Variants in SNX13 observed in about 807,000 individuals in gnomAD.
SNX13 encodes sorting nexin-13.
In SNX13, 45 loss-of-function variants were observed where a neutral mutation model predicts 133.6. The observed-to-expected ratio is 0.34, with a 90% CI of 0.27 to 0.43. The LOEUF (loss-of-function observed/expected upper bound fraction) is 0.43. SNX13 is among the 20% of genes least tolerant of loss of function. SNX13 has a pLI of 1.00. For synonymous variants in SNX13, 414 were observed against 373.9 expected (o/e 1.11, Z -1.24); for missense variants, 1,032 against 1,145.1 (o/e 0.90, Z 1.43).
intron 1 of SNX13, among the ~76,000 whole-genome samples, 194 bp downstream of exon 1, chr7:17,940,090 G>A (rs1357573524): frequency 6.6e-6 from 1 of 152,064 alleles, no homozygotes; most frequent in Non-Finnish European, 1.5e-5. Context: ...ACTGGCAGCC[G>A]GAGGTGGTGG....
chr7:17,876,682 A>G (rs1794766891), intron 5 of SNX13, among the ~76,000 whole-genome samples: 1 of 152,104 alleles, frequency 6.6e-6, no homozygotes, highest in Non-Finnish European at 1.5e-5. Flanking sequence ...AATACTCATG[A>G]AAAAGGTGAT....
At chr7:17,836,878 T>C (rs1423298540) in intron 13 of SNX13, among the ~76,000 whole-genome samples, 1 of 152,040 alleles carries the variant, frequency 6.6e-6, no homozygotes, top group African/African-American at 2.4e-5. Flanking sequence ...ACAGGTATTA[T>C]CTATATTTAA....
At chr7:17,875,610 AATG>A in intron 6 of SNX13, 29 bp from the exon 7 acceptor site, 1 of 1,609,184 alleles carries the variant, frequency 6.2e-7, no homozygotes, top group Non-Finnish European at 8.5e-7. Context: ...AGATATATAA[AATG>A]ATGAAAGGAA....
At chr7:17,926,232 T>C (rs1056562605) in intron 1 of SNX13, among the ~76,000 whole-genome samples, 1 of 151,574 alleles carries the variant, frequency 6.6e-6, no homozygotes, top group Non-Finnish European at 1.5e-5. Context: ...AGTGACAGTA[T>C]TTTTTTTCAG....
At chr7:17,851,428 G>A (rs145556552) in intron 9 of SNX13, among the ~76,000 whole-genome samples, 2 of 152,190 alleles carry the variant, frequency 1.3e-5, no homozygotes, top group African/African-American at 2.4e-5. Flanking sequence ...TAGAATAAAG[G>A]CAGAGCCAAA....
chr7:17,805,798 A>G (rs1785230797), intron 20 of SNX13, among the ~76,000 whole-genome samples: 1 of 152,198 alleles, frequency 6.6e-6, no homozygotes, highest in African/African-American at 2.4e-5. Flanking sequence ...GTAGCATCCC[A>G]GAAGTACTGA....
intron 1 of SNX13, among the ~76,000 whole-genome samples, chr7:17,906,925 C>T (rs1321030154): frequency 1.3e-5 from 2 of 152,148 alleles, no homozygotes; most frequent in East Asian, 3.8e-4. Context: ...TCAGCCCTAA[C>T]AAATCATCCT....
chr7:17,829,194 T>C (rs1788218309), intron 16 of SNX13, among the ~76,000 whole-genome samples: 1 of 151,520 alleles, frequency 6.6e-6, no homozygotes, highest in Admixed American at 6.6e-5. Context: ...ATTTAGCTAT[T>C]ACGAAAGGTC....
At position 17,842,467 on chromosome 7, in the gene SNX13, T is replaced by TA. The variant is rs1790011817; in HGVS notation, c.1166-2468dup. On this transcript the variant is annotated intron_variant, in intron 12 of 25. Coordinates refer to ENST00000428135, the MANE Select transcript of SNX13 (RefSeq NM_015132.5). ...TTGCAAAATGTGCTGAAGGGTAAATTAAACAAAAGGACACTAGATAGTAAC... is the reference window on the plus strand; with the variant it reads ...TTGCAAAATGTGCTGAAGGGTAAATTAAAACAAAAGGACACTAGATAGTAAC... Among the ~76,000 whole-genome samples the TA allele has an allele frequency of 9.9e-5, 15 of 152,128 alleles. No individual in the cohort carries two copies. In the South Asian group the frequency reaches 3.1e-3, roughly 32 times the overall value.
At chr7:17,930,620 A>G (rs891118584) in intron 1 of SNX13, among the ~76,000 whole-genome samples, 11 of 152,120 alleles carry the variant, frequency 7.2e-5, no homozygotes, top group African/African-American at 2.7e-4. Context: ...GTTTTTCTAA[A>G]CCTTTATGCA....
At chr7:17,801,063 C>CATATATATAT (rs1784595393) in intron 22 of SNX13, among the ~76,000 whole-genome samples, 1 of 57,186 alleles carries the variant, frequency 1.7e-5, no homozygotes, top group Non-Finnish European at 3.9e-5. Flanking sequence ...TATATATATC[C>CATATATATAT]TGATACAGCA....
Position 17,826,036 on chromosome 7 carries a change from T to A in SNX13, c.1691A>T (p.Tyr564Phe), listed in dbSNP as rs200717124. Reference sequence around the variant, plus strand: ...AACTCTCTTACCTGTGTCTGAAATGTAGGCATGAAGTTGTACTGAGTCATC... The same window carrying A: ...AACTCTCTTACCTGTGTCTGAAATGAAGGCATGAAGTTGTACTGAGTCATC... The part of the protein sequence containing the change: ...SSDDSVQLHA[Y>F]ISDTGVCNDH... The change falls in exon 17 of 26, where the codon TAC (tyrosine) becomes TTC (phenylalanine). Residue 564 changes from tyrosine to phenylalanine, a missense_variant. Transcript: ENST00000428135. The A allele has an allele frequency of 1.2e-4, 186 of 1,553,836 alleles. 1 individual carries two copies. The highest frequency in any genetic ancestry group is 5.1e-4 in the Middle Eastern group (3 of 5,930).
intron 13 of SNX13, among the ~76,000 whole-genome samples, chr7:17,836,845 T>C (rs1023445404): frequency 1.3e-5 from 2 of 152,040 alleles, no homozygotes; most frequent in African/African-American, 4.8e-5. Context: ...CAAATGTACA[T>C]AAAAGCAAAA....
chr7:17,888,215 A>T (rs572079511), intron 5 of SNX13: 1 of 152,380 alleles, frequency 6.6e-6, no homozygotes. Context: ...GCAGCCTCTA[A>T]AGTAGTTATT....
chr7:17,842,909 A>T (rs1386485992), intron 12 of SNX13, among the ~76,000 whole-genome samples: 4 of 152,170 alleles, frequency 2.6e-5, no homozygotes, highest in Admixed American at 6.6e-5. Context: ...TAATCCCCAT[A>T]GTAACCACAA....
chr7:17,926,226 A>G (rs777647348), intron 1 of SNX13, among the ~76,000 whole-genome samples: 20 of 152,280 alleles, frequency 1.3e-4, no homozygotes, highest in Non-Finnish European at 2.5e-4. Context: ...GGTGCTAGTG[A>G]CAGTATTTTT....
chr7:17,855,488 A>G (rs146783316), intron 9 of SNX13, among the ~76,000 whole-genome samples: 149 of 152,336 alleles, frequency 9.8e-4, no homozygotes, highest in Middle Eastern at 3.4e-3. Flanking sequence ...GTATCTTGTT[A>G]GAGGCTAGTA....
chr7:17,937,074 T>G (rs1489237035), intron 1 of SNX13, among the ~76,000 whole-genome samples: 1 of 139,224 alleles, frequency 7.2e-6, no homozygotes, highest in African/African-American at 2.7e-5. Flanking sequence ...GTATGTAAAA[T>G]GCAAAAAAAA....
intron 1 of SNX13, among the ~76,000 whole-genome samples, chr7:17,921,076 C>A (rs998032353): frequency 1.5e-4 from 23 of 152,168 alleles, no homozygotes; most frequent in African/African-American, 5.6e-4. Flanking sequence ...TGTGGGACAA[C>A]AGCCCCAAAC....
Sources: gnomAD v4.1 joint callset for allele counts (sites outside exome capture counted in the v4.1 genomes callset) on GRCh38, gnomAD v4.1.1 for gene constraint, MANE v1.5 for transcripts, NCBI Gene and HGNC (gene_info 2026-07-23, HGNC 2026-07-21) for gene names.